DOCK8: variants seen among roughly 807,000 people sequenced by gnomAD.
The protein encoded by DOCK8 is dedicator of cytokinesis protein 8.
Under a neutral mutation model 245.6 loss-of-function variants are expected in DOCK8, and 141 were observed. That is an observed-to-expected ratio of 0.57 (90% CI 0.50 to 0.66). DOCK8 has a LOEUF of 0.66. Ranked by LOEUF, DOCK8 falls within the 30% of genes least tolerant of loss-of-function variation. The pLI is 0.00. For missense variants in DOCK8, 2,965 were observed against 2,603.4 expected (o/e 1.14, Z -3.02); for synonymous variants, 1,168 against 970.2 (o/e 1.20, Z -3.79).
intron 1 of DOCK8, among the ~76,000 whole-genome samples, chr9:226,325 C>A (rs2046989350): frequency 1.3e-5 from 2 of 152,080 alleles, no homozygotes; most frequent in Non-Finnish European, 2.9e-5. Flanking sequence ...AATTATCTCG[C>A]ACAACATGTG....
chr9:367,476 A>G (rs2053064660), intron 14 of DOCK8, among the ~76,000 whole-genome samples: 1 of 151,894 alleles, frequency 6.6e-6, no homozygotes, highest in Non-Finnish European at 1.5e-5. Context: ...ATAGTTGTCA[A>G]ATGGATGGAT....
chr9:400,138 ACCACC>A, intron 26 of DOCK8, among the ~76,000 whole-genome samples: 1 of 99,148 alleles, frequency 1.0e-5, no homozygotes, highest in Admixed American at 1.0e-4. Flanking sequence ...CACCATCACC[ACCACC>A]TCCACCATCA....
chr9:347,140 C>G (rs966284545), intron 14 of DOCK8, among the ~76,000 whole-genome samples: 7 of 152,082 alleles, frequency 4.6e-5, no homozygotes, highest in African/African-American at 1.7e-4. Context: ...AAAATCAAAG[C>G]GTCCCCCTCC....
In DOCK8 at chr9:453,365, G is replaced by T. The variant is rs1801766755; in HGVS notation, c.6068+1248G>T. 2.0e-5 allele frequency among the ~76,000 whole-genome samples: 3 copies of T among 152,100 alleles called. No individual in the cohort carries two copies. In the South Asian group the frequency reaches 6.2e-4, roughly 31 times the overall value. On this transcript the variant is annotated intron_variant, in intron 46 of 47. Coordinates refer to ENST00000432829, the MANE Select transcript of DOCK8 (RefSeq NM_203447.4). ...GACAGAAAAACTAGTTGTTGTTGTT[G>T]TTTTTTCAGTACATAATACGTATCT...
chr9:448,488 T>C (rs2057333201), intron 44 of DOCK8, among the ~76,000 whole-genome samples: 1 of 152,216 alleles, frequency 6.6e-6, no homozygotes, highest in Non-Finnish European at 1.5e-5. Flanking sequence ...AGAACAAAGT[T>C]CCATAGACTG....
intron 14 of DOCK8, among the ~76,000 whole-genome samples, chr9:348,548 T>G (rs1384592712): frequency 6.6e-6 from 1 of 152,186 alleles, no homozygotes; most frequent in Admixed American, 6.5e-5. Context: ...GCACCCTGTT[T>G]CTACATGAGT....
chr9:406,458 G>C (rs370439491), intron 27 of DOCK8, among the ~76,000 whole-genome samples: 10 of 146,496 alleles, frequency 6.8e-5, no homozygotes, highest in African/African-American at 2.6e-4. Flanking sequence ...CTGCAATCCA[G>C]CCTGGGTAAC....
chr9:386,297 G>A (rs750537830), intron 22 of DOCK8, 34 bp from the exon 23 acceptor site: 2 of 1,569,322 alleles, frequency 1.3e-6, no homozygotes, highest in Non-Finnish European at 1.8e-6. Context: ...TTCCATGGTT[G>A]GTTGACTGTT....
intron 2 of DOCK8, among the ~76,000 whole-genome samples, chr9:272,513 G>T (rs1027446620): frequency 1.3e-5 from 2 of 152,034 alleles, no homozygotes; most frequent in African/African-American, 4.8e-5. Context: ...ATCCTCCCAA[G>T]TAGCCGGGAC....
intron 25 of DOCK8, among the ~76,000 whole-genome samples, chr9:397,146 C>A (rs537005255): frequency 6.6e-6 from 1 of 151,954 alleles, no homozygotes; most frequent in East Asian, 1.9e-4. Context: ...GGGTTCGAGA[C>A]CTGCCTGGCC....
chr9:233,092 T>C (rs2047157434), intron 1 of DOCK8, among the ~76,000 whole-genome samples: 1 of 152,224 alleles, frequency 6.6e-6, no homozygotes, highest in Admixed American at 6.5e-5. Flanking sequence ...TTCTGGTATG[T>C]TGTGTCTTTG....
intron 46 of DOCK8, chr9:456,812 T>C (rs954973098): frequency 6.6e-6 from 1 of 152,210 alleles, no homozygotes; most frequent in African/African-American, 2.4e-5. Context: ...CCATTTAGAT[T>C]TTTAAATTTT....
At chr9:237,742 A>C (rs2047288465) in intron 1 of DOCK8, among the ~76,000 whole-genome samples, 1 of 152,182 alleles carries the variant, frequency 6.6e-6, no homozygotes, top group Admixed American at 6.5e-5. Context: ...GAAATCCCAC[A>C]CATTGATAAG....
chr9:414,840 G>C lies in DOCK8; in HGVS notation c.3589G>C (p.Asp1197His). 1.2e-6 allele frequency: 2 copies of C among 1,614,144 alleles called. No homozygotes were observed. Among genetic ancestry groups the C allele is most frequent in the East Asian group, 2.2e-5 (1 of 44,888 alleles). The change falls in exon 29 of 48, where the codon GAC (aspartate) becomes CAC (histidine). Residue 1197 changes from aspartate to histidine, a missense_variant. Coordinates refer to ENST00000432829, the MANE Select transcript of DOCK8 (RefSeq NM_203447.4). ...AATTCACAGCCTGCTAAGTTCTCACGACCTGGACCCACGCTGTGTCAAACC... is the reference window on the plus strand; with the variant it reads ...AATTCACAGCCTGCTAAGTTCTCACCACCTGGACCCACGCTGTGTCAAACC... ...SAIHSLLSSH[D>H]LDPRCVKPEV... is the part of the protein sequence containing the mutation.
chr9:404,806 T>C, intron 26 of DOCK8, 112 bp from the exon 27 acceptor site: 1 of 1,180,478 alleles, frequency 8.5e-7, no homozygotes, highest in Non-Finnish European at 1.2e-6. Context: ...CATTAGTTTT[T>C]ATTAAATTGA....
intron 14 of DOCK8, among the ~76,000 whole-genome samples, chr9:357,740 A>G (rs1436237775): frequency 1.3e-5 from 2 of 152,184 alleles, no homozygotes; most frequent in African/African-American, 4.8e-5. Context: ...TGCTTGCGAT[A>G]ACACCCCCAG....
At chr9:435,255 T>C (rs1468571000) in intron 39 of DOCK8, among the ~76,000 whole-genome samples, 11 of 152,218 alleles carry the variant, frequency 7.2e-5, no homozygotes, top group African/African-American at 2.4e-4. Flanking sequence ...CTTCTTCTAA[T>C]TGCTTTCCCA....
intron 14 of DOCK8, among the ~76,000 whole-genome samples, chr9:366,779 C>T (rs926151426): frequency 6.6e-6 from 1 of 152,174 alleles, no homozygotes; most frequent in Non-Finnish European, 1.5e-5. Flanking sequence ...CTTCCCCATA[C>T]ACTTGTTAAC....
intron 9 of DOCK8, among the ~76,000 whole-genome samples, chr9:331,645 T>C (rs2051019122): frequency 6.6e-6 from 1 of 152,214 alleles, no homozygotes; most frequent in African/African-American, 2.4e-5. Flanking sequence ...AATTTCAAAT[T>C]TCTCCTTGTC....
Sources: allele counts gnomAD v4.1 joint callset (sites outside exome capture counted in the v4.1 genomes callset), GRCh38; gene constraint gnomAD v4.1.1; transcripts MANE v1.5; gene names NCBI Gene and HGNC (gene_info 2026-07-23, HGNC 2026-07-21).